PTPRN2: variants seen among roughly 807,000 people sequenced by gnomAD.
PTPRN2 encodes protein tyrosine phosphatase receptor type N2.
Under a neutral mutation model 118.8 loss-of-function variants are expected in PTPRN2, and 74 were observed. The ratio of observed to expected loss-of-function variants is 0.62; its 90% CI spans 0.52 to 0.76. The LOEUF (loss-of-function observed/expected upper bound fraction) is 0.76. Among genes scored for constraint, PTPRN2 ranks in the 30% least tolerant of loss-of-function variants. PTPRN2 has a pLI of 0.00. For synonymous variants in PTPRN2, 641 were observed against 608.0 expected (o/e 1.05, Z -0.80); for missense variants, 1,481 against 1,394.4 (o/e 1.06, Z -0.99).
intron 3 of PTPRN2, among the ~76,000 whole-genome samples, chr7:158,273,465 G>GGA (rs1798663239): frequency 3.9e-5 from 5 of 128,502 alleles, no homozygotes; most frequent in African/African-American, 2.1e-4. Flanking sequence ...CAGACGCAGG[G>GGA]GGAGCCGCAG....
At chr7:158,085,595 C>T (rs367794035) in intron 10 of PTPRN2, among the ~76,000 whole-genome samples, 1 of 114,286 alleles carries the variant, frequency 8.7e-6, no homozygotes. Flanking sequence ...CATCCAGATA[C>T]CCATCCACAC....
intron 3 of PTPRN2, among the ~76,000 whole-genome samples, chr7:158,231,287 C>G (rs1472978158): frequency 6.6e-6 from 1 of 152,072 alleles, no homozygotes. Context: ...AAAAGATATT[C>G]CATGCAAGTG....
intron 2 of PTPRN2, among the ~76,000 whole-genome samples, chr7:158,449,439 T>C (rs1817946036): frequency 6.6e-6 from 1 of 152,148 alleles, no homozygotes; most frequent in Admixed American, 6.5e-5. Flanking sequence ...GAGAGGACGA[T>C]GCACAGATTC....
chr7:158,045,663 T>G (rs1460821950), intron 11 of PTPRN2, among the ~76,000 whole-genome samples: 1 of 152,248 alleles, frequency 6.6e-6, no homozygotes, highest in African/African-American at 2.4e-5. Context: ...TGCCAATAGT[T>G]GGCTAGCTAG....
intron 12 of PTPRN2, among the ~76,000 whole-genome samples, chr7:157,837,549 C>G (rs1041825852): frequency 6.6e-6 from 1 of 151,618 alleles, no homozygotes; most frequent in Non-Finnish European, 1.5e-5. Flanking sequence ...AGGTCGACTC[C>G]CCAGCACACG....
At chr7:158,308,002 G>A (rs903096014) in intron 3 of PTPRN2, among the ~76,000 whole-genome samples, 3 of 152,120 alleles carry the variant, frequency 2.0e-5, no homozygotes, top group African/African-American at 7.2e-5. Flanking sequence ...ACAGCAAGAA[G>A]ACCCTTACCT....
intron 12 of PTPRN2, among the ~76,000 whole-genome samples, chr7:157,746,467 G>A (rs1422656186): frequency 1.4e-5 from 2 of 147,520 alleles, no homozygotes; most frequent in African/African-American, 5.1e-5. Context: ...CAGTACTCAC[G>A]GGGCCCTGAG....
At chr7:157,822,343 A>C (rs1185119972) in intron 12 of PTPRN2, among the ~76,000 whole-genome samples, 1 of 151,352 alleles carries the variant, frequency 6.6e-6, no homozygotes, top group Non-Finnish European at 1.5e-5. Context: ...CCATCCATCC[A>C]TCCGTCCATC....
chr7:158,557,077 G>T (rs1264165981), intron 1 of PTPRN2, among the ~76,000 whole-genome samples: 3 of 141,334 alleles, frequency 2.1e-5, no homozygotes, highest in African/African-American at 8.0e-5. Context: ...CTCCCGCGCA[G>T]GTCAGGCGGC....
At chr7:158,071,465 C>G (rs551712383) in intron 11 of PTPRN2, among the ~76,000 whole-genome samples, 1 of 102,074 alleles carries the variant, frequency 9.8e-6, no homozygotes, top group Non-Finnish European at 1.9e-5. Context: ...TTGAGGTGCT[C>G]GTGGTGGTGG....
rs141348085 is a variant in PTPRN2, at chr7:157,797,167, C to T, written c.1788+101506G>A. Among the ~76,000 whole-genome samples the T allele has an allele frequency of 3.5e-4, 53 of 152,296 alleles. No individual in the cohort carries two copies. In the East Asian group the frequency reaches 3.7e-3, roughly 11 times the overall value. On this transcript the variant is annotated intron_variant, in intron 12 of 22. Coordinates refer to ENST00000389418, the MANE Select transcript of PTPRN2 (RefSeq NM_002847.5). ...TATCACTATAAAGCAAAACCAAAAACGGACCTCAGGTTTCTCTGCAATATG... is the reference window on the plus strand; with the variant it reads ...TATCACTATAAAGCAAAACCAAAAATGGACCTCAGGTTTCTCTGCAATATG...
At chr7:158,046,244 G>T (rs1456074809) in intron 11 of PTPRN2, among the ~76,000 whole-genome samples, 4 of 146,906 alleles carry the variant, frequency 2.7e-5, no homozygotes, top group South Asian at 4.4e-4. Context: ...TGCGTTCCTG[G>T]CGTCCTGACA....
At chr7:157,805,888 G>T (rs1474014587) in intron 12 of PTPRN2, among the ~76,000 whole-genome samples, 2 of 152,200 alleles carry the variant, frequency 1.3e-5, no homozygotes, top group African/African-American at 2.4e-5. Flanking sequence ...GGCCAGCCCT[G>T]TCCTGTTCTG....
At chr7:158,447,334 T>C (rs1192335264) in intron 2 of PTPRN2, among the ~76,000 whole-genome samples, 2 of 152,128 alleles carry the variant, frequency 1.3e-5, no homozygotes, top group African/African-American at 4.8e-5. Flanking sequence ...TTGAGCTAAA[T>C]ACCTAATTGG....
chr7:157,860,022 C>T (rs1810108389), intron 12 of PTPRN2, among the ~76,000 whole-genome samples: 1 of 152,112 alleles, frequency 6.6e-6, no homozygotes, highest in Non-Finnish European at 1.5e-5. Flanking sequence ...GCCCCAGCCA[C>T]TGTACACACT....
intron 11 of PTPRN2, among the ~76,000 whole-genome samples, chr7:158,074,658 TC>T (rs1227427546): frequency 6.6e-6 from 1 of 152,072 alleles, no homozygotes; most frequent in African/African-American, 2.4e-5. Context: ...CCCTGGGGGC[TC>T]TTCTCCCTGA....
chr7:157,991,385 G>A (rs1585155213), intron 11 of PTPRN2, among the ~76,000 whole-genome samples: 1 of 152,254 alleles, frequency 6.6e-6, no homozygotes, highest in South Asian at 2.1e-4. Context: ...AATGGGTCTT[G>A]CCACTTGTTA....
At chr7:158,101,143 C>A (rs1013705201) in intron 10 of PTPRN2, among the ~76,000 whole-genome samples, 18 of 152,152 alleles carry the variant, frequency 1.2e-4, no homozygotes, top group Non-Finnish European at 2.4e-4. Context: ...CTATAGTCAC[C>A]AAAACAGCAT....
At chr7:158,468,960 C>T (rs1428477585) in intron 2 of PTPRN2, among the ~76,000 whole-genome samples, 30 of 151,974 alleles carry the variant, frequency 2.0e-4, no homozygotes, top group African/African-American at 6.8e-4. Context: ...CACACACACT[C>T]CGGGTGGATC....
Sources: gnomAD v4.1 joint callset for allele counts (sites outside exome capture counted in the v4.1 genomes callset) on GRCh38, gnomAD v4.1.1 for gene constraint, MANE v1.5 for transcripts, NCBI Gene and HGNC (gene_info 2026-07-23, HGNC 2026-07-21) for gene names.